The following SLX4IP variants were observed in gnomAD, a reference collection of about 807,000 sequenced individuals.
SLX4IP encodes SLX4 interacting protein, also known as protein SLX4IP.
A neutral mutation model predicts 32.9 loss-of-function variants in SLX4IP; 34 were observed. The observed-to-expected ratio is 1.03, with a 90% CI of 0.79 to 1.38. The LOEUF (loss-of-function observed/expected upper bound fraction) is 1.38, where lower values mean the gene tolerates loss of function less well. Among genes scored for constraint, SLX4IP ranks in the 40% most tolerant of loss-of-function variants. The pLI, the probability that SLX4IP is intolerant of heterozygous loss-of-function variation, is 0.00. For synonymous variants in SLX4IP, 172 were observed against 171.7 expected, an observed-to-expected ratio of 1.00 and a Z score of -0.01; for missense variants, 444 against 479.0, an observed-to-expected ratio of 0.93 and a Z score of 0.68.
chr20:10,519,770 CTG>C lies in SLX4IP; in HGVS notation c.28-36457_28-36456del, dbSNP rs760010859. On this transcript the variant is annotated intron_variant, in intron 2 of 7. Coordinates refer to ENST00000334534, the MANE Select transcript of SLX4IP (RefSeq NM_001009608.3). Reference sequence around the variant, plus strand: ...GGAATTGCTAAGTCGTATGGTGACTCTGTGTTTAACTTTTTGGGGAACTGCCA... The same window carrying C: ...GGAATTGCTAAGTCGTATGGTGACTCTGTTTAACTTTTTGGGGAACTGCCA... Among the ~76,000 whole-genome samples the C allele has an allele frequency of 2.0e-5, 3 of 152,326 alleles. No homozygotes were observed. In the East Asian group the frequency reaches 5.8e-4, roughly 29 times the overall value.
At chr20:10,440,941 A>G (rs192976891) in intron 1 of SLX4IP, among the ~76,000 whole-genome samples, 2 of 152,272 alleles carry the variant, frequency 1.3e-5, no homozygotes, top group African/African-American at 4.8e-5. Context: ...GATCTCATGT[A>G]ATCCTTACAG....
intron 2 of SLX4IP, among the ~76,000 whole-genome samples, chr20:10,526,393 G>T (rs1297943568): frequency 6.6e-6 from 1 of 152,168 alleles, no homozygotes; most frequent in Non-Finnish European, 1.5e-5. Context: ...TTTGTCAGCT[G>T]TCATGATCCT....
chr20:10,449,874 ATTGGACT>A (rs2122328930), intron 1 of SLX4IP, among the ~76,000 whole-genome samples: 1 of 152,026 alleles, frequency 6.6e-6, no homozygotes, highest in African/African-American at 2.4e-5. Flanking sequence ...TTTTTTTGAT[ATTGGACT>A]TTGATGATAC....
rs1367748589 is a variant in SLX4IP, at chr20:10,626,194, T to C, written c.*2815T>C. Reference sequence around the variant, plus strand: ...CACGCCCGGCTAATTTTTTGTATTTTTTTTTTTTTTTTTTTTTTTTTAGCA... The same window carrying C: ...CACGCCCGGCTAATTTTTTGTATTTCTTTTTTTTTTTTTTTTTTTTTAGCA... On this transcript the variant is annotated 3_prime_UTR_variant, in exon 8 of 8. Transcript: ENST00000334534. 2 of 143,174 alleles carry C rather than the reference T, an allele frequency of 1.4e-5. No homozygotes were observed. Among genetic ancestry groups the C allele is most frequent in the African/African-American group, 5.1e-5 (2 of 39,208 alleles). The allele number at this position is 143,174 out of a possible 1,614,324, so 8.9% of individuals were successfully genotyped here. A position where few individuals can be genotyped will look rare whatever the true frequency, so the allele number is the denominator to read the frequency against.
chr20:10,560,848 C>CA (rs1171392614), intron 4 of SLX4IP, 28 bp downstream of exon 4: 2 of 1,537,706 alleles, frequency 1.3e-6, no homozygotes, highest in African/African-American at 1.4e-5. Flanking sequence ...TGATTTTGGA[C>CA]AAAAAATAAA....
intron 1 of SLX4IP, among the ~76,000 whole-genome samples, chr20:10,444,622 C>T (rs957590837): frequency 3.9e-5 from 6 of 152,118 alleles, no homozygotes; most frequent in African/African-American, 9.7e-5. Flanking sequence ...GTGATCCGCC[C>T]GCCTCAGCCT....
rs1439140892 is a variant in SLX4IP, at chr20:10,601,826, A to G, written c.405+7A>G. On this transcript the variant is annotated splice_region_variant and intron_variant, in intron 6 of 7. Coordinates refer to ENST00000334534, the MANE Select transcript of SLX4IP (RefSeq NM_001009608.3). ...AAGTCAGAATGAAGATTTGGTGAGT[A>G]TGAAAAAATTCTATAAACAAATAAG... The G allele has an allele frequency of 6.2e-7, 1 of 1,611,678 alleles. No individual in the cohort carries two copies. The highest frequency in any genetic ancestry group is 8.5e-7 in the Non-Finnish European group (1 of 1,178,066).
chr20:10,490,936 A>G (rs766505416), intron 2 of SLX4IP, among the ~76,000 whole-genome samples: 8 of 152,082 alleles, frequency 5.3e-5, no homozygotes, highest in African/African-American at 1.7e-4. Flanking sequence ...ACACCCTCAC[A>G]GGGGGGTATC....
chr20:10,463,438 A>T (rs2065354707), intron 2 of SLX4IP, among the ~76,000 whole-genome samples: 1 of 152,072 alleles, frequency 6.6e-6, no homozygotes, highest in African/African-American at 2.4e-5. Context: ...GGAGGGGAGG[A>T]GGTCAGAGAG....
chr20:10,523,902 A>G (rs1438757254), intron 2 of SLX4IP, among the ~76,000 whole-genome samples: 1 of 152,252 alleles, frequency 6.6e-6, no homozygotes, highest in African/African-American at 2.4e-5. Flanking sequence ...AGGATGTGAG[A>G]CAGTAGGTGA....
At chr20:10,462,261 A>C (rs1199822505) in intron 2 of SLX4IP, among the ~76,000 whole-genome samples, 1 of 152,218 alleles carries the variant, frequency 6.6e-6, no homozygotes, top group East Asian at 1.9e-4. Flanking sequence ...TGGTTGAGAA[A>C]ATATTATGAA....
chr20:10,489,487 G>A (rs888711519), intron 2 of SLX4IP, among the ~76,000 whole-genome samples: 1 of 151,924 alleles, frequency 6.6e-6, no homozygotes, highest in Non-Finnish European at 1.5e-5. Flanking sequence ...CCTTAAACTT[G>A]CCATTTGACT....
In SLX4IP at chr20:10,623,006, A is replaced by G. The variant is rs1256693960; in HGVS notation, c.854A>G (p.Gln285Arg). ...GAGTCAGCATCACCATGTCCAAAAC[A>G]AAGTCCACGAGTGGCCAAAACCCAA... Reference protein sequence around the residue: ...SCESASPCPKQSPRVAKTQQK... With the variant: ...SCESASPCPKRSPRVAKTQQK... Residue 285 changes from glutamine to arginine, a missense_variant, in exon 8 of 8, where the codon CAA becomes CGA. By Grantham distance (43) the Gln-to-Arg change is conservative. Transcript: ENST00000334534. 8 of 1,614,228 alleles carry G rather than the reference A, an allele frequency of 5.0e-6. No individual in the cohort carries two copies. Among genetic ancestry groups the G allele is most frequent in the Non-Finnish European group, 6.8e-6 (8 of 1,180,042 alleles).
At chr20:10,590,521 C>T (rs894752115) in intron 4 of SLX4IP, among the ~76,000 whole-genome samples, 9 of 143,314 alleles carry the variant, frequency 6.3e-5, no homozygotes, top group Non-Finnish European at 1.1e-4. Flanking sequence ...CTGCCACACC[C>T]GGCTAATTTT....
chr20:10,560,677 A>G (rs370756387), intron 3 of SLX4IP, 23 bp from the exon 4 acceptor site: 36 of 1,490,950 alleles, frequency 2.4e-5, no homozygotes, highest in Non-Finnish European at 3.3e-5. Flanking sequence ...TGAAGGTTAT[A>G]TCTAATTTTT....
intron 2 of SLX4IP, among the ~76,000 whole-genome samples, chr20:10,516,867 G>A (rs1489751794): frequency 1.3e-5 from 2 of 152,132 alleles, no homozygotes; most frequent in African/African-American, 2.4e-5. Context: ...TTTTGTCTAT[G>A]TTTTACATCC....
chr20:10,452,694 T>G (rs2065253028), intron 1 of SLX4IP, among the ~76,000 whole-genome samples: 1 of 145,338 alleles, frequency 6.9e-6, no homozygotes, highest in East Asian at 2.0e-4. Flanking sequence ...TATATATATA[T>G]ATGTAAATTA....
At chr20:10,622,054 C>CT (rs1052046496) in intron 7 of SLX4IP, among the ~76,000 whole-genome samples, 2 of 152,220 alleles carry the variant, frequency 1.3e-5, no homozygotes, top group Non-Finnish European at 2.9e-5. Flanking sequence ...TATCGACACT[C>CT]TTTTGTCTTC....
At position 10,435,336 on chromosome 20, in the gene SLX4IP, G is replaced by A. The variant is rs1163415858; in HGVS notation, c.-147G>A. The A allele has an allele frequency of 2.0e-5, 3 of 152,234 alleles. No homozygotes were observed. The highest frequency in any genetic ancestry group is 4.4e-5 in the Non-Finnish European group (3 of 68,060). 9.4% of individuals were successfully genotyped at this position (152,234 alleles called of 1,614,324 possible). ...GCTTCCCTTAAGCTTCTGAAGGTTG[G>A]CTGCAGTTCCGGCTACCTGTGTAGT... On this transcript the variant is annotated 5_prime_UTR_variant, in exon 1 of 8. Transcript: ENST00000334534.
Sources: gnomAD v4.1 joint callset for allele counts (sites outside exome capture counted in the v4.1 genomes callset) on GRCh38, gnomAD v4.1.1 for gene constraint, MANE v1.5 for transcripts, NCBI Gene and HGNC (gene_info 2026-07-23, HGNC 2026-07-21) for gene names.